CAAP1: variants seen among roughly 807,000 people sequenced by gnomAD.
CAAP1 encodes the protein caspase activity and apoptosis inhibitor 1.
In CAAP1, 20 loss-of-function variants were observed where a neutral mutation model predicts 34.0. That is an observed-to-expected ratio of 0.59 (90% CI 0.41 to 0.86). CAAP1 has a LOEUF of 0.86. Ranked by LOEUF, CAAP1 falls within the 40% of genes least tolerant of loss-of-function variation. The pLI is 0.00. For synonymous variants in CAAP1, 213 were observed against 166.7 expected (o/e 1.28, Z -2.14); for missense variants, 538 against 450.5 (o/e 1.19, Z -1.76).
At position 26,884,856 on chromosome 9, in the gene CAAP1, C is replaced by T; in HGVS notation, c.619G>A (p.Glu207Lys). 6.2e-7 allele frequency: 1 copy of T among 1,609,552 alleles called. No individual in the cohort carries two copies. Among genetic ancestry groups the T allele is most frequent in the Non-Finnish European group, 8.5e-7 (1 of 1,179,142 alleles). Residue 207 changes from glutamate to lysine, a missense_variant, in exon 4 of 6, where the codon GAG becomes AAG. By Grantham distance (56) the Glu-to-Lys change is moderately conservative. Around this residue, in one of 3 missense-constraint regions of CAAP1, gnomAD observed 514 missense variants for 408.4 expected, o/e 1.26. Transcript: ENST00000333916. Reference protein sequence around the residue: ...GDNGMDSDMEEEADDGSKMGS... With the variant: ...GDNGMDSDMEKEADDGSKMGS... ...ATCTTAGAACCATCATCTGCTTCCTCTTCCATATCAGAGTCCATTCCATTG... is the reference window on the plus strand; with the variant it reads ...ATCTTAGAACCATCATCTGCTTCCTTTTCCATATCAGAGTCCATTCCATTG...
intron 4 of CAAP1, among the ~76,000 whole-genome samples, chr9:26,875,676 T>C (rs79755807): frequency 0.1 from 15,938 of 152,250 alleles, 1,124 homozygotes; most frequent in Middle Eastern, 0.25. Flanking sequence ...ATTTTGTATA[T>C]TAAACATTCA....
intron 4 of CAAP1, among the ~76,000 whole-genome samples, chr9:26,867,193 G>T (rs1231896305): frequency 6.6e-6 from 1 of 152,178 alleles, no homozygotes; most frequent in Non-Finnish European, 1.5e-5. Context: ...CATGAAACCA[G>T]TTCCTGGTGC....
intron 5 of CAAP1, among the ~76,000 whole-genome samples, chr9:26,853,146 G>C (rs931604481): frequency 1.3e-5 from 2 of 152,146 alleles, no homozygotes; most frequent in South Asian, 2.1e-4. Context: ...TAATCAGACT[G>C]CTGTGTGAAA....
chr9:26,863,772 T>TAAAA (rs57763346), intron 4 of CAAP1, among the ~76,000 whole-genome samples: 7 of 111,976 alleles, frequency 6.3e-5, no homozygotes, highest in Non-Finnish European at 7.2e-5. Flanking sequence ...CCGTTTAAAT[T>TAAAA]AAAAAAAAAA....
chr9:26,867,703 T>C (rs759380367), intron 4 of CAAP1, among the ~76,000 whole-genome samples: 1 of 152,146 alleles, frequency 6.6e-6, no homozygotes, highest in African/African-American at 2.4e-5. Flanking sequence ...ACTTAACCTA[T>C]ACTTTAAAAT....
In CAAP1 at chr9:26,884,861, A is replaced by G; in HGVS notation, c.614T>C (p.Met205Thr). The G allele has an allele frequency of 3.1e-6, 5 of 1,609,176 alleles. No individual in the cohort carries two copies. Among genetic ancestry groups the G allele is most frequent in the South Asian group, 2.2e-5 (2 of 90,960 alleles). The change falls in exon 4 of 6, where the codon ATG becomes ACG. Residue 205 changes from methionine (M) to threonine (T), a missense_variant. By Grantham distance (81) the Met-to-Thr change is moderately conservative. Around this residue, in one of 3 missense-constraint regions of CAAP1, gnomAD observed 514 missense variants for 408.4 expected, o/e 1.26. Coordinates refer to ENST00000333916, the MANE Select transcript of CAAP1 (RefSeq NM_024828.4). ...LEGDNGMDSD[M>T]EEEADDGSKM... Reference sequence around the variant, plus strand: ...AGAACCATCATCTGCTTCCTCTTCCATATCAGAGTCCATTCCATTGTCACC... The same window carrying G: ...AGAACCATCATCTGCTTCCTCTTCCGTATCAGAGTCCATTCCATTGTCACC...
intron 1 of CAAP1, among the ~76,000 whole-genome samples, chr9:26,889,784 CG>C (rs1823853652): frequency 6.9e-6 from 1 of 144,784 alleles, no homozygotes; most frequent in African/African-American, 2.6e-5. Context: ...AGGAGAATGG[CG>C]TGAACCCAGG....
chr9:26,875,368 AGAGT>A (rs1450996691), intron 4 of CAAP1, among the ~76,000 whole-genome samples: 1 of 152,164 alleles, frequency 6.6e-6, no homozygotes, highest in South Asian at 2.1e-4. Context: ...ACTGGGCAAC[AGAGT>A]GAGACCCTGT....
intron 4 of CAAP1, among the ~76,000 whole-genome samples, chr9:26,877,458 G>C (rs922011000): frequency 6.6e-6 from 1 of 152,136 alleles, no homozygotes; most frequent in Non-Finnish European, 1.5e-5. Flanking sequence ...AGTGTCACAT[G>C]ACTGTATTTT....
At chr9:26,889,955 A>T (rs1227368404) in intron 1 of CAAP1, among the ~76,000 whole-genome samples, 1 of 152,066 alleles carries the variant, frequency 6.6e-6, no homozygotes, top group South Asian at 2.1e-4. Context: ...TACATGCCTA[A>T]TATGCAATGA....
At chr9:26,870,590 G>A (rs1187626967) in intron 4 of CAAP1, among the ~76,000 whole-genome samples, 1 of 68,332 alleles carries the variant, frequency 1.5e-5, no homozygotes, top group Non-Finnish European at 3.0e-5. Flanking sequence ...ATATATACGT[G>A]TGTGTGTGTG....
At chr9:26,845,862 CT>C (rs2131293647) in intron 5 of CAAP1, among the ~76,000 whole-genome samples, 1 of 151,972 alleles carries the variant, frequency 6.6e-6, no homozygotes, top group South Asian at 2.1e-4. Context: ...TATCTTGGTC[CT>C]TCATTTGTTT....
chr9:26,882,814 T>C lies in CAAP1; in HGVS notation c.665+1996A>G, dbSNP rs556933454. ...ACAGGCGCGGGGCTTTCCAAGACCATGGAAACCTACCATTTGCATCAGTGT... is the reference window on the plus strand; with the variant it reads ...ACAGGCGCGGGGCTTTCCAAGACCACGGAAACCTACCATTTGCATCAGTGT... On this transcript the variant is annotated intron_variant, in intron 4 of 5. Transcript: ENST00000333916. 2.0e-3 allele frequency among the ~76,000 whole-genome samples: 312 copies of C among 152,298 alleles called. 1 individual carries two copies. The highest frequency in any genetic ancestry group is 7.3e-3 in the African/African-American group (302 of 41,566).
chr9:26,887,211 C>CA (rs1260127923), intron 2 of CAAP1, 102 bp downstream of exon 2: 6 of 755,680 alleles, frequency 7.9e-6, no homozygotes, highest in South Asian at 4.2e-5. Context: ...GACTCCGTCT[C>CA]AAAAAAACAA....
chr9:26,875,560 G>A (rs183625082), intron 4 of CAAP1, among the ~76,000 whole-genome samples: 3 of 152,268 alleles, frequency 2.0e-5, no homozygotes, highest in Admixed American at 1.3e-4. Context: ...TAAAAAAGCT[G>A]TATGTCTCAG....
chr9:26,870,387 A>T (rs1391924397), intron 4 of CAAP1, among the ~76,000 whole-genome samples: 1 of 151,874 alleles, frequency 6.6e-6, no homozygotes, highest in Non-Finnish European at 1.5e-5. Flanking sequence ...TCTTTTTTGT[A>T]GGTTAAAATT....
In CAAP1 at chr9:26,873,502, A is replaced by C. The variant is rs116228225; in HGVS notation, c.665+11308T>G. 8.7e-3 allele frequency among the ~76,000 whole-genome samples: 1,320 copies of C among 152,266 alleles called. 24 individuals carry two copies. The highest frequency in any genetic ancestry group is 0.03 in the African/African-American group (1,249 of 41,534). On this transcript the variant is annotated intron_variant, in intron 4 of 5. Coordinates refer to ENST00000333916, the MANE Select transcript of CAAP1 (RefSeq NM_024828.4). Reference sequence around the variant, plus strand: ...TATACTTTTATTCCTTATATATGAAATCTCAATCCTGATTATTTTATTGTG... The same window carrying C: ...TATACTTTTATTCCTTATATATGAACTCTCAATCCTGATTATTTTATTGTG...
chr9:26,883,798 C>A (rs760598114), intron 4 of CAAP1, among the ~76,000 whole-genome samples: 7 of 152,030 alleles, frequency 4.6e-5, no homozygotes, highest in Admixed American at 6.6e-5. Flanking sequence ...AGTTAACAGG[C>A]CTTGTAAATG....
intron 5 of CAAP1, among the ~76,000 whole-genome samples, chr9:26,854,719 C>T (rs1822828040): frequency 6.6e-6 from 1 of 152,104 alleles, no homozygotes; most frequent in South Asian, 2.1e-4. Context: ...GAAAACAACC[C>T]AGTTTTTAAA....
Sources: allele counts gnomAD v4.1 joint callset (sites outside exome capture counted in the v4.1 genomes callset), GRCh38; gene constraint gnomAD v4.1.1; regional missense constraint gnomAD v4.1.1; transcripts MANE v1.5; gene names NCBI Gene and HGNC (gene_info 2026-07-23, HGNC 2026-07-21).